GALNT9: variants seen among roughly 807,000 people sequenced by gnomAD.
GALNT9 encodes the protein polypeptide N-acetylgalactosaminyltransferase 9.
In GALNT9, 47 loss-of-function variants were observed where a neutral mutation model predicts 63.1. The ratio of observed to expected loss-of-function variants is 0.75; its 90% CI spans 0.59 to 0.95. The LOEUF is 0.95. GALNT9 is among the 40% of genes least tolerant of loss of function. The pLI is 0.00. For synonymous variants in GALNT9, 396 were observed against 365.7 expected (o/e 1.08, Z -0.94); for missense variants, 829 against 874.8 (o/e 0.95, Z 0.66).
In GALNT9 at chr12:132,310,152, A is replaced by G. The variant is rs913263605; in HGVS notation, c.238+18814T>C. On this transcript the variant is annotated intron_variant, in intron 1 of 10. Transcript: ENST00000328957. The surrounding 1 kb of genome is among the most constrained non-coding windows in gnomAD (Gnocchi z 4.8). ...TCAATGCTCGGGGCTGGAGCAGCCA[A>G]TGTGTGACCATGAGACCGAATGCCT... 1.8e-4 allele frequency among the ~76,000 whole-genome samples: 28 copies of G among 152,228 alleles called. No homozygotes were observed. The highest frequency in any genetic ancestry group is 7.3e-5 in the Non-Finnish European group (5 of 68,044).
chr12:132,207,973 G>A (rs1001389216), intron 6 of GALNT9, among the ~76,000 whole-genome samples: 2 of 152,146 alleles, frequency 1.3e-5, no homozygotes, highest in Non-Finnish European at 1.5e-5. Flanking sequence ...ACCCGGGGCA[G>A]GTCTCTTTTC....
rs1233799400 is a variant in GALNT9, at chr12:132,286,277, C to T, written c.392G>A (p.Arg131Gln). The change falls in exon 2 of 11, where the codon CGG (arginine) becomes CAG (glutamine). Residue 131 changes from arginine to glutamine, a missense_variant. Arg to Gln is a conservative substitution (Grantham distance 43, BLOSUM62 1). Transcript: ENST00000328957. This position sits in a 1 kb window ranked among gnomAD's most constrained non-coding sequence, Gnocchi z 7.4. ...AQLSDRISLD[R>Q]SIPDYRPRKC... ...TCTGGGCCGGTAGTCGGGGATGCTC[C>T]GATCGAGGGAGATGCGGTCGCTGAG... is the stretch of plus-strand genomic sequence containing the variant. 12 of 1,550,966 alleles carry T rather than the reference C, an allele frequency of 7.7e-6. No individual in the cohort carries two copies. Among genetic ancestry groups the T allele is most frequent in the Non-Finnish European group, 1.0e-5 (12 of 1,146,820 alleles).
chr12:132,328,447 G>A (rs995165858), intron 1 of GALNT9, among the ~76,000 whole-genome samples: 2 of 152,202 alleles, frequency 1.3e-5, no homozygotes, highest in South Asian at 2.1e-4. Context: ...CAGGACAGGG[G>A]GCCGCCTAGC....
Position 132,296,041 on chromosome 12 carries a change from A to C in GALNT9, c.239-9611T>G, listed in dbSNP as rs1484632953. 2.1e-5 allele frequency among the ~76,000 whole-genome samples: 3 copies of C among 141,830 alleles called. No homozygotes were observed. The highest frequency in any genetic ancestry group is 4.5e-4 in the South Asian group (2 of 4,464). 93.0% of individuals were successfully genotyped at this position (141,830 alleles called of 152,430 possible). ...CCGGAACAGGGAGAGCCTCCAGAAC[A>C]GGGAGAGCCTCTGAACAGGGAGAGG... On this transcript the variant is annotated intron_variant, in intron 1 of 10. Transcript: ENST00000328957. This position sits in a 1 kb window ranked among gnomAD's most constrained non-coding sequence, Gnocchi z 4.2.
chr12:132,329,338 C>G lies in GALNT9; in HGVS notation c.-135G>C. On this transcript the variant is annotated 5_prime_UTR_variant, in exon 1 of 11. Transcript: ENST00000328957. ...GCTGCGGGGCTCGGCCGGAGCTGTC[C>G]CTTCAGCACCAGCTCAGCGCGCCGG... 1 of 1,296,440 alleles carries G rather than the reference C, an allele frequency of 7.7e-7. No individual in the cohort carries two copies. The highest frequency in any genetic ancestry group is 1.7e-5 in the South Asian group (1 of 59,064). The allele number at this position is 1,296,440 out of a possible 1,614,324, so 80.3% of individuals were successfully genotyped here.
chr12:132,307,431 A>C (rs112720895), intron 1 of GALNT9, among the ~76,000 whole-genome samples: 1 of 152,156 alleles, frequency 6.6e-6, no homozygotes, highest in African/African-American at 2.4e-5. Flanking sequence ...GAGTCTGTCA[A>C]TTTCCATGGT....
At chr12:132,207,528 G>A (rs956278836) in intron 6 of GALNT9, among the ~76,000 whole-genome samples, 12 of 152,148 alleles carry the variant, frequency 7.9e-5, no homozygotes, top group Admixed American at 3.3e-4. Flanking sequence ...CTGAGCTTGC[G>A]GGTGGTGCCG....
rs914490158 is a variant in GALNT9, at chr12:132,327,032, G to C, written c.238+1934C>G. ...CACTGTGCCTGGCCTGCTGGTCACA[G>C]AGAGGAACGCAGCACAGCCTCATCA... On this transcript the variant is annotated intron_variant, in intron 1 of 10. Transcript: ENST00000328957. This position sits in a 1 kb window ranked among gnomAD's most constrained non-coding sequence, Gnocchi z 4.3. 9.2e-5 allele frequency among the ~76,000 whole-genome samples: 14 copies of C among 152,196 alleles called. No homozygotes were observed. The highest frequency in any genetic ancestry group is 3.1e-4 in the African/African-American group (13 of 41,446).
At chr12:132,266,930 G>A (rs1318163381) in intron 2 of GALNT9, among the ~76,000 whole-genome samples, 3 of 152,150 alleles carry the variant, frequency 2.0e-5, no homozygotes, top group African/African-American at 7.2e-5. Context: ...GTCTCCCTTG[G>A]CTGGGGGCAG....
At chr12:132,250,799 C>G (rs1006362651) in intron 5 of GALNT9, among the ~76,000 whole-genome samples, 1 of 151,902 alleles carries the variant, frequency 6.6e-6, no homozygotes, top group Non-Finnish European at 1.5e-5. Flanking sequence ...CAAACGACAA[C>G]AACAACAAAG....
chr12:132,248,210 G>A (rs1555238263), intron 5 of GALNT9, among the ~76,000 whole-genome samples, 183 bp from the exon 6 acceptor site: 1 of 152,252 alleles, frequency 6.6e-6, no homozygotes. Context: ...CAGGACTTGA[G>A]TCCCTTGGAG....
chr12:132,257,411 G>A (rs145816931), intron 5 of GALNT9, among the ~76,000 whole-genome samples: 1 of 151,772 alleles, frequency 6.6e-6, no homozygotes, highest in African/African-American at 2.4e-5. Flanking sequence ...ACCAGGTTGT[G>A]CTTGCTGGGG....
chr12:132,316,137 C>G lies in GALNT9; in HGVS notation c.238+12829G>C, dbSNP rs1868498769. On this transcript the variant is annotated intron_variant, in intron 1 of 10. Transcript: ENST00000328957. This position sits in a 1 kb window ranked among gnomAD's most constrained non-coding sequence, Gnocchi z 4.3. ...AAGAAGAGGCAGGCAGAGGCAGGAG[C>G]TGGCCGCGGGCTGGGAGGCGACCCC... Among the ~76,000 whole-genome samples the G allele has an allele frequency of 6.6e-6, 1 of 152,168 alleles. No homozygotes were observed. The highest frequency in any genetic ancestry group is 6.5e-5 in the Admixed American group (1 of 15,286).
intron 1 of GALNT9, among the ~76,000 whole-genome samples, chr12:132,312,050 G>A (rs1352715427): frequency 2.6e-5 from 4 of 152,154 alleles, no homozygotes; most frequent in East Asian, 1.9e-4. Flanking sequence ...AAATACAACA[G>A]CTAATTTCAT....
chr12:132,224,952 AC>A (rs1877591861), intron 6 of GALNT9, among the ~76,000 whole-genome samples: 2 of 142,280 alleles, frequency 1.4e-5, no homozygotes, highest in African/African-American at 5.3e-5. Context: ...CACCCCACAC[AC>A]TGTACATACA....
intron 1 of GALNT9, among the ~76,000 whole-genome samples, chr12:132,304,021 C>T (rs1462171444): frequency 1.0e-4 from 4 of 39,014 alleles, no homozygotes; most frequent in African/African-American, 3.1e-4. Context: ...ACACCCTCTC[C>T]GGGGCACACC....
At chr12:132,203,733 A>AGGCGGGC in intron 6 of GALNT9, 43 bp from the exon 7 acceptor site, 7 of 1,594,136 alleles carry the variant, frequency 4.4e-6, no homozygotes, top group African/African-American at 1.4e-5. Flanking sequence ...TTCCCAACGG[A>AGGCGGGC]AGCGGGCAGC....
intron 1 of GALNT9, among the ~76,000 whole-genome samples, chr12:132,307,307 A>T (rs1881649601): frequency 6.6e-6 from 1 of 152,212 alleles, no homozygotes. Context: ...AAGAAATGGC[A>T]TTAAGTTAAC....
At chr12:132,290,965 TCCACAGCACCCACAA>T (rs1470667158) in intron 1 of GALNT9, among the ~76,000 whole-genome samples, 1 of 45,452 alleles carries the variant, frequency 2.2e-5, no homozygotes. Context: ...AGCGCCCACA[TCCACAGCACCCACAA>T]CCACAGCACC....
Sources: gnomAD v4.1 joint callset for allele counts (sites outside exome capture counted in the v4.1 genomes callset) on GRCh38, gnomAD v4.1.1 for gene constraint, Gnocchi (gnomAD v3.1) non-coding constraint, MANE v1.5 for transcripts, NCBI Gene and HGNC (gene_info 2026-07-23, HGNC 2026-07-21) for gene names.